Variants in VOPP1 observed in about 807,000 individuals in gnomAD.
The protein encoded by VOPP1 is VOPP1 WW domain binding protein, also known as WW domain binding protein VOPP1.
In VOPP1, 8 loss-of-function variants were observed where a neutral mutation model predicts 23.5. That is an observed-to-expected ratio of 0.34 (90% CI 0.20 to 0.61). VOPP1 has a LOEUF of 0.61. VOPP1 is among the 20% of genes least tolerant of loss of function. The pLI is 0.78. For missense variants in VOPP1, 174 were observed against 238.1 expected, an observed-to-expected ratio of 0.73 and a Z score of 1.77; for synonymous variants, 83 against 97.3, an observed-to-expected ratio of 0.85 and a Z score of 0.86.
chr7:55,484,082 G>A (rs1485972037), intron 4 of VOPP1, among the ~76,000 whole-genome samples: 1 of 152,202 alleles, frequency 6.6e-6, no homozygotes, highest in African/African-American at 2.4e-5. Context: ...ACAGAGGAGT[G>A]TTAACACATT....
At chr7:55,560,038 C>T (rs545236608) in intron 1 of VOPP1, among the ~76,000 whole-genome samples, 16 of 152,258 alleles carry the variant, frequency 1.1e-4, no homozygotes, top group African/African-American at 2.9e-4. Flanking sequence ...CTGTAGTCCC[C>T]GCTACTTGGG....
chr7:55,527,976 T>C (rs1467821253), intron 1 of VOPP1, among the ~76,000 whole-genome samples: 2 of 151,948 alleles, frequency 1.3e-5, no homozygotes, highest in Non-Finnish European at 2.9e-5. Flanking sequence ...GTTGGGAAAA[T>C]AAAATGCCTC....
At chr7:55,525,736 C>T (rs962888801) in intron 1 of VOPP1, among the ~76,000 whole-genome samples, 5 of 125,772 alleles carry the variant, frequency 4.0e-5, no homozygotes, top group Admixed American at 9.9e-5. Flanking sequence ...GTAATCCTTA[C>T]ATGTGTACGG....
chr7:55,447,267 C>T (rs1044016528), intron 4 of VOPP1, among the ~76,000 whole-genome samples: 1 of 152,198 alleles, frequency 6.6e-6, no homozygotes, highest in Non-Finnish European at 1.5e-5. Flanking sequence ...TTGTTCTATC[C>T]TGATTCGGAT....
Position 55,557,473 on chromosome 7 carries a change from AAAG to A in VOPP1, c.54+14795_54+14797del, listed in dbSNP as rs767113674. Reference sequence around the variant, plus strand: ...AACATAAGATGTTTCAAAAAAAAAAAAAGGACTTAAAAAAACCCCATATGCTAG... The same window carrying A: ...AACATAAGATGTTTCAAAAAAAAAAAGACTTAAAAAAACCCCATATGCTAG... On this transcript the variant is annotated intron_variant, in intron 1 of 4. Transcript: ENST00000285279. Among the ~76,000 whole-genome samples the A allele has an allele frequency of 1.5e-3, 227 of 152,238 alleles. 1 individual carries two copies. The highest frequency in any genetic ancestry group is 2.3e-3 in the Admixed American group (35 of 15,296).
chr7:55,538,626 G>T, intron 1 of VOPP1: 1 of 1,535,958 alleles, frequency 6.5e-7, no homozygotes, highest in East Asian at 2.4e-5. Context: ...CAAGAGCACA[G>T]AAGACAGATA....
chr7:55,485,465 C>T (rs1463488347), intron 4 of VOPP1, among the ~76,000 whole-genome samples: 4 of 152,236 alleles, frequency 2.6e-5, no homozygotes. Flanking sequence ...CATATTTTTG[C>T]TGAATTTCCA....
chr7:55,565,728 G>T (rs1393568746), intron 1 of VOPP1, among the ~76,000 whole-genome samples: 1 of 150,682 alleles, frequency 6.6e-6, no homozygotes, highest in African/African-American at 2.4e-5. Flanking sequence ...AACTCAGGGT[G>T]AATCTCCTGG....
rs574451447 is a variant in VOPP1, at chr7:55,447,325, G to A, written n.418-11151C>T. ...GCACAATACCTCCCTGCGCTTACCC[G>A]GCTAGTGAGGGGCACAGCTGGTTTG... is the stretch of plus-strand genomic sequence containing the variant. On this transcript the variant is annotated intron_variant and non_coding_transcript_variant, in intron 4 of 4. Transcript: ENST00000462326. Among the ~76,000 whole-genome samples, 44 of 152,262 alleles carry A rather than the reference G, an allele frequency of 2.9e-4. No individual in the cohort carries two copies. The South Asian group carries it at 7.3e-3, about 25-fold the overall frequency.
chr7:55,481,941 C>T (rs1001661525), intron 4 of VOPP1, among the ~76,000 whole-genome samples: 6 of 152,162 alleles, frequency 3.9e-5, no homozygotes, highest in Non-Finnish European at 8.8e-5. Flanking sequence ...AAAATCTAAG[C>T]GCTTCTTTCA....
At chr7:55,528,430 G>C (rs573104201) in intron 1 of VOPP1, among the ~76,000 whole-genome samples, 27 of 152,258 alleles carry the variant, frequency 1.8e-4, no homozygotes, top group African/African-American at 6.0e-4. Flanking sequence ...ACTTTAAAAT[G>C]CAGACCACTT....
chr7:55,568,126 C>A, intron 1 of VOPP1, among the ~76,000 whole-genome samples: 1 of 134,426 alleles, frequency 7.4e-6, no homozygotes, highest in Middle Eastern at 4.8e-3. Flanking sequence ...GTTGCTCAGG[C>A]TGGAGTGCAG....
intron 4 of VOPP1, among the ~76,000 whole-genome samples, chr7:55,485,590 C>T (rs899954416): frequency 7.2e-5 from 11 of 152,256 alleles, no homozygotes; most frequent in Non-Finnish European, 1.3e-4. Flanking sequence ...GTCGCCCTGT[C>T]CTCATCCCAG....
intron 1 of VOPP1, among the ~76,000 whole-genome samples, chr7:55,524,359 A>C (rs1796043774): frequency 6.6e-6 from 1 of 152,274 alleles, no homozygotes. Flanking sequence ...AAGCACCTTT[A>C]AACAGAGTTA....
intron 4 of VOPP1, among the ~76,000 whole-genome samples, chr7:55,461,787 C>T (rs1429118893): frequency 2.0e-5 from 3 of 152,276 alleles, no homozygotes; most frequent in Middle Eastern, 3.4e-3. Context: ...TAGGTGAGGA[C>T]TTATTCTTGC....
intron 1 of VOPP1, among the ~76,000 whole-genome samples, chr7:55,539,169 C>A (rs1225754343): frequency 3.9e-5 from 6 of 151,906 alleles, no homozygotes; most frequent in African/African-American, 1.5e-4. Flanking sequence ...CATGGTGAAA[C>A]CCCCTCCTCC....
chr7:55,514,689 A>AG (rs1026108321), intron 2 of VOPP1, among the ~76,000 whole-genome samples: 1 of 152,130 alleles, frequency 6.6e-6, no homozygotes, highest in Non-Finnish European at 1.5e-5. Context: ...TGCACCAAAG[A>AG]GGGGTATGGG....
chr7:55,532,044 C>T (rs1342138370), intron 1 of VOPP1, among the ~76,000 whole-genome samples: 1 of 152,236 alleles, frequency 6.6e-6, no homozygotes, highest in Non-Finnish European at 1.5e-5. Flanking sequence ...GTGTACTACC[C>T]TACCTATTTG....
intron 2 of VOPP1, among the ~76,000 whole-genome samples, chr7:55,518,962 G>A (rs1795657202): frequency 6.6e-6 from 1 of 152,170 alleles, no homozygotes; most frequent in African/African-American, 2.4e-5. Flanking sequence ...TGAGGACACT[G>A]GGAACAGAGG....
Sources: allele counts gnomAD v4.1 joint callset (sites outside exome capture counted in the v4.1 genomes callset), GRCh38; gene constraint gnomAD v4.1.1; transcripts MANE v1.5; gene names NCBI Gene and HGNC (gene_info 2026-07-23, HGNC 2026-07-21).